Variants in EIF2S2 observed in about 807,000 individuals in gnomAD.
EIF2S2 encodes the protein eukaryotic translation initiation factor 2 subunit beta.
In EIF2S2, 4 loss-of-function variants were observed where a neutral mutation model predicts 44.0. The observed-to-expected ratio is 0.09, with a 90% confidence interval of 0.04 to 0.21. EIF2S2 has a LOEUF of 0.21. Among genes scored for constraint, EIF2S2 ranks in the 10% least tolerant of loss-of-function variants. The pLI, the probability that EIF2S2 is intolerant of heterozygous loss-of-function variation, is 1.00. For missense variants in EIF2S2, 154 were observed against 392.0 expected, an observed-to-expected ratio of 0.39 and a Z score of 5.13; for synonymous variants, 108 against 128.3, an observed-to-expected ratio of 0.84 and a Z score of 1.07.
At chr20:34,101,500 C>CA (rs1488024714) in intron 3 of EIF2S2, among the ~76,000 whole-genome samples, 1 of 151,876 alleles carries the variant, frequency 6.6e-6, no homozygotes, top group Non-Finnish European at 1.5e-5. Context: ...AACAGGACAC[C>CA]AGATACTCAC....
intron 5 of EIF2S2, 83 bp downstream of exon 5, chr20:34,097,333 G>T: frequency 1.7e-6 from 2 of 1,176,342 alleles, no homozygotes; most frequent in Non-Finnish European, 2.5e-6. Context: ...TTACTTCAAC[G>T]GCCGTTCCAA....
rs1192856670 is a variant in EIF2S2 at position 34,097,395 on chromosome 20, T to C, written c.534+21A>G. 4 of 1,599,822 alleles carry C rather than the reference T, an allele frequency of 2.5e-6. No individual in the cohort carries two copies. In the South Asian group the frequency reaches 3.3e-5, roughly 13 times the overall value. ...CACTAGTGAATAGCTTAGCCCCTTT[T>C]CACAACAGATTTTGTCTTACCTCCT... On this transcript the variant is annotated intron_variant, in intron 5 of 8. Coordinates refer to ENST00000374980, the MANE Select transcript of EIF2S2 (RefSeq NM_003908.5).
intron 3 of EIF2S2, among the ~76,000 whole-genome samples, chr20:34,099,375 AG>A (rs1488530391): frequency 2.0e-5 from 3 of 152,054 alleles, no homozygotes; most frequent in Non-Finnish European, 4.4e-5. Context: ...AAAAAAAAAA[AG>A]AATCACTTGA....
In EIF2S2 at chr20:34,090,498, A is replaced by G; in HGVS notation, c.826+19T>C. Reference sequence around the variant, plus strand: ...GAGAACATTTCAGGGTGATCTAATGAAATGAATTATACACTTACTGATATA... The same window carrying G: ...GAGAACATTTCAGGGTGATCTAATGGAATGAATTATACACTTACTGATATA... On this transcript the variant is annotated intron_variant, in intron 8 of 8. Transcript: ENST00000374980. 3.5e-6 allele frequency: 5 copies of G among 1,417,812 alleles called. No individual in the cohort carries two copies. The highest frequency in any genetic ancestry group is 4.8e-6 in the Non-Finnish European group (5 of 1,044,808). 87.8% of individuals were successfully genotyped at this position (1,417,812 alleles called of 1,614,324 possible).
In EIF2S2 at chr20:34,096,444, G is replaced by A. The variant is rs182630140; in HGVS notation, c.683+213C>T. Among the ~76,000 whole-genome samples, 15 of 152,220 alleles carry A rather than the reference G, an allele frequency of 9.9e-5. No homozygotes were observed. The East Asian group carries it at 1.5e-3, about 16-fold the overall frequency. On this transcript the variant is annotated intron_variant, in intron 6 of 8. Transcript: ENST00000374980. ...CACTCCACTGCATTCCAGCCTGGGC[G>A]ACAAAGCAAGACCGTTATCTTTAAT...
At chr20:34,099,498 C>T (rs977248752) in intron 3 of EIF2S2, among the ~76,000 whole-genome samples, 3 of 152,184 alleles carry the variant, frequency 2.0e-5, no homozygotes, top group Middle Eastern at 3.4e-3. Flanking sequence ...AAGATTTTTC[C>T]GGGTGACACC....
At chr20:34,089,983 A>T in intron 8 of EIF2S2, 78 bp from the exon 9 acceptor site, 1 of 1,488,120 alleles carries the variant, frequency 6.7e-7, no homozygotes, top group Non-Finnish European at 9.3e-7. Context: ...AAATACATCT[A>T]CAAAGAACTC....
Position 34,097,053 on chromosome 20 carries a change from T to C in EIF2S2, c.535-248A>G, listed in dbSNP as rs186884263. Among the ~76,000 whole-genome samples the C allele has an allele frequency of 5.3e-5, 8 of 152,338 alleles. No individual in the cohort carries two copies. In the East Asian group the frequency reaches 1.4e-3, roughly 26 times the overall value. On this transcript the variant is annotated intron_variant, in intron 5 of 8. Coordinates refer to ENST00000374980, the MANE Select transcript of EIF2S2 (RefSeq NM_003908.5). The stretch of plus-strand genomic sequence containing the variant: ...ACAACCACTCATTCTGTTGTTTCTA[T>C]GGCAAAGTACATGATACATGGAAAA...
rs1295605592 is a variant in EIF2S2, at chr20:34,105,159, A to C, written c.193+209T>G. On this transcript the variant is annotated intron_variant, in intron 2 of 8. Coordinates refer to ENST00000374980, the MANE Select transcript of EIF2S2 (RefSeq NM_003908.5). ...ACCAGCTCTGGAACAGCAAGGTTTC[A>C]TCTTTGCAACTTGTGAATTAAATGG... 2.6e-5 allele frequency among the ~76,000 whole-genome samples: 4 copies of C among 152,240 alleles called. No homozygotes were observed. In the East Asian group the frequency reaches 7.7e-4, roughly 29 times the overall value.
rs142737454 is a variant in EIF2S2 at position 34,099,434 on chromosome 20, G to T, written c.298-801C>A. 2.1e-3 allele frequency among the ~76,000 whole-genome samples: 326 copies of T among 152,222 alleles called. 1 individual carries two copies. The highest frequency in any genetic ancestry group is 7.6e-3 in the African/African-American group (316 of 41,530). On this transcript the variant is annotated intron_variant, in intron 3 of 8. Coordinates refer to ENST00000374980, the MANE Select transcript of EIF2S2 (RefSeq NM_003908.5). The stretch of plus-strand genomic sequence containing the variant: ...GATTGATGATCTTCAGCAGGAACAG[G>T]GTTCAGGAGTACTTTAAAGAAGTTT...
Position 34,097,656 on chromosome 20 carries a change from G to A in EIF2S2, c.434-140C>T, listed in dbSNP as rs577116014. 5.7e-4 allele frequency: 370 copies of A among 648,380 alleles called. 1 individual carries two copies. Among genetic ancestry groups the A allele is most frequent in the Non-Finnish European group, 1.8e-4 (69 of 386,040 alleles). 40.2% of individuals were successfully genotyped at this position (648,380 alleles called of 1,614,324 possible). A position where few individuals can be genotyped will look rare whatever the true frequency, so the allele number is the denominator to read the frequency against. ...CATTCACAACAGCCTTAAGCATAAA[G>A]AAACCAAAGCTCACAACCCTTTTCC... On this transcript the variant is annotated intron_variant, in intron 4 of 8. Transcript: ENST00000374980.
Position 34,105,504 on chromosome 20 carries a change from C to T in EIF2S2, c.57G>A (p.Lys19=), listed in dbSNP as rs1371800161. 25 of 1,610,124 alleles carry T rather than the reference C, an allele frequency of 1.6e-5. No homozygotes were observed. The highest frequency in any genetic ancestry group is 1.5e-5 in the Non-Finnish European group (18 of 1,178,840). Residue 19 remains lysine, a synonymous_variant, in exon 2 of 9, where the codon AAG becomes AAA. Coordinates refer to ENST00000374980, the MANE Select transcript of EIF2S2 (RefSeq NM_003908.5). ...CCTCATCTAACATAAAAGGCTTCTT[C>T]TTCTTCTTTTTCTTCTTGCTCATAG... is the stretch of plus-strand genomic sequence containing the variant. ...DPTMSKKKKK[K]KKPFMLDEEG...
At chr20:34,111,672 C>A (rs80240810) in intron 1 of EIF2S2, among the ~76,000 whole-genome samples, 2,319 of 152,354 alleles carry the variant, frequency 0.015, 34 homozygotes, top group Non-Finnish European at 0.026. Context: ...TTAACGAGGG[C>A]GTTATACCAA....
chr20:34,092,681 AAAC>A (rs1306706025), intron 7 of EIF2S2, among the ~76,000 whole-genome samples: 4 of 152,100 alleles, frequency 2.6e-5, no homozygotes, highest in South Asian at 2.1e-4. Flanking sequence ...AAACAAAACA[AAAC>A]AACAAAACCC....
In EIF2S2 at chr20:34,110,033, G is replaced by A. The variant is rs552369219; in HGVS notation, c.15+2063C>T. 7.3e-5 allele frequency among the ~76,000 whole-genome samples: 11 copies of A among 150,030 alleles called. No homozygotes were observed. In the South Asian group the frequency reaches 1.7e-3, roughly 23 times the overall value. On this transcript the variant is annotated intron_variant, in intron 1 of 8. Coordinates refer to ENST00000374980, the MANE Select transcript of EIF2S2 (RefSeq NM_003908.5). ...GGAGAATTGCTTGAACCCAGGAGGC[G>A]GTTGCGGTGAGCCGAGATCACGCCA...
At position 34,088,771 on chromosome 20, in the gene EIF2S2, C is replaced by G. The variant is rs886856323; in HGVS notation, c.*959G>C. The G allele has an allele frequency of 6.6e-6, 1 of 152,294 alleles. No individual in the cohort carries two copies. The highest frequency in any genetic ancestry group is 6.5e-5 in the Admixed American group (1 of 15,288). 9.4% of individuals were successfully genotyped at this position (152,294 alleles called of 1,614,324 possible). On this transcript the variant is annotated 3_prime_UTR_variant, in exon 9 of 9. Transcript: ENST00000374980. Reference sequence around the variant, plus strand: ...AATCCTCAGGAAGCAGAGCACCACACAAGCAGCATTTCTTGGTTTCTCATG... The same window carrying G: ...AATCCTCAGGAAGCAGAGCACCACAGAAGCAGCATTTCTTGGTTTCTCATG...
chr20:34,091,070 A>T, intron 7 of EIF2S2, among the ~76,000 whole-genome samples: 1 of 152,126 alleles, frequency 6.6e-6, no homozygotes, highest in East Asian at 1.9e-4. Flanking sequence ...ATTTTTAATT[A>T]AATAGTTTGC....
intron 3 of EIF2S2, among the ~76,000 whole-genome samples, chr20:34,099,754 G>A (rs557518532): frequency 6.6e-6 from 1 of 152,160 alleles, no homozygotes; most frequent in East Asian, 1.9e-4. Flanking sequence ...TTGCCAAAAC[G>A]ACTCATAGAA....
chr20:34,106,946 C>T (rs2034356574), intron 1 of EIF2S2, among the ~76,000 whole-genome samples: 1 of 152,162 alleles, frequency 6.6e-6, no homozygotes, highest in Admixed American at 6.5e-5. Flanking sequence ...CTTTGGGAGG[C>T]CGAGGCGGGC....
Sources: gnomAD v4.1 joint callset for allele counts (sites outside exome capture counted in the v4.1 genomes callset) on GRCh38, gnomAD v4.1.1 for gene constraint, MANE v1.5 for transcripts, NCBI Gene and HGNC (gene_info 2026-07-23, HGNC 2026-07-21) for gene names.